The following SCP2 variants were observed in gnomAD, a reference collection of about 807,000 sequenced individuals.
The protein encoded by SCP2 is SCP-2/3-oxoacyl-CoA thiolase.
A neutral mutation model predicts 71.4 loss-of-function variants in SCP2; 48 were observed. The ratio of observed to expected loss-of-function variants is 0.67; its 90% CI spans 0.53 to 0.86. SCP2 has a LOEUF of 0.86. SCP2 is among the 40% of genes least tolerant of loss of function. SCP2 has a pLI of 0.00. For synonymous variants in SCP2, 220 were observed against 218.1 expected (o/e 1.01, Z -0.08); for missense variants, 560 against 655.6 (o/e 0.85, Z 1.59).
chr1:52,935,895 G>T (rs947586110), intron 1 of SCP2, among the ~76,000 whole-genome samples: 1 of 152,058 alleles, frequency 6.6e-6, no homozygotes, highest in Admixed American at 6.6e-5. Flanking sequence ...CTATGTTCAT[G>T]GCACTGTACT....
intron 15 of SCP2, chr1:53,049,514 G>T (rs1370815016): frequency 6.6e-6 from 1 of 152,182 alleles, no homozygotes; most frequent in Non-Finnish European, 1.5e-5. Context: ...TCATCTTTAT[G>T]TATGGACTCT....
chr1:53,043,895 G>A (rs568798487), intron 14 of SCP2, among the ~76,000 whole-genome samples: 2 of 152,062 alleles, frequency 1.3e-5, no homozygotes, highest in African/African-American at 4.8e-5. Context: ...ACCTTTTTTC[G>A]AGTATTAAGA....
chr1:52,993,452 A>G, intron 11 of SCP2: 1 of 1,614,098 alleles, frequency 6.2e-7, no homozygotes, highest in Non-Finnish European at 8.5e-7. Context: ...AATCATTGGG[A>G]ACTCATCACG....
At chr1:52,934,700 C>T (rs1279547735) in intron 1 of SCP2, among the ~76,000 whole-genome samples, 1 of 144,534 alleles carries the variant, frequency 6.9e-6, no homozygotes, top group African/African-American at 2.5e-5. Flanking sequence ...GCAAGCTCCA[C>T]CTCCTGGGTT....
At chr1:52,959,184 T>C (rs1288277272) in intron 5 of SCP2, among the ~76,000 whole-genome samples, 2 of 152,002 alleles carry the variant, frequency 1.3e-5, no homozygotes, top group Non-Finnish European at 2.9e-5. Context: ...CTTCTTTTCT[T>C]TTCTTTAAAA....
intron 13 of SCP2, among the ~76,000 whole-genome samples, chr1:53,030,071 T>C (rs1437083029): frequency 6.6e-6 from 1 of 152,092 alleles, no homozygotes; most frequent in African/African-American, 2.4e-5. Flanking sequence ...GTATTTTTAG[T>C]AGAGATGGGG....
At chr1:52,941,019 G>A (rs962779059) in intron 1 of SCP2, among the ~76,000 whole-genome samples, 1 of 152,200 alleles carries the variant, frequency 6.6e-6, no homozygotes, top group South Asian at 2.1e-4. Context: ...AAAGTGCTGG[G>A]ATTACAGGCG....
At chr1:53,021,806 A>G (rs1661765547) in intron 12 of SCP2, among the ~76,000 whole-genome samples, 1 of 151,474 alleles carries the variant, frequency 6.6e-6, no homozygotes, top group African/African-American at 2.4e-5. Context: ...CACCAGGCCC[A>G]GCTAATTTTT....
intron 11 of SCP2, among the ~76,000 whole-genome samples, chr1:53,011,835 G>A (rs896864959): frequency 6.6e-6 from 1 of 152,170 alleles, no homozygotes; most frequent in African/African-American, 2.4e-5. Flanking sequence ...TGAGTATGTT[G>A]AGTAGAAAGG....
At chr1:53,005,826 C>A (rs1660600037) in intron 11 of SCP2, among the ~76,000 whole-genome samples, 1 of 152,096 alleles carries the variant, frequency 6.6e-6, no homozygotes, top group Non-Finnish European at 1.5e-5. Context: ...TAACAAACTT[C>A]TCTGAGCTAA....
chr1:52,985,672 A>G (rs1040978146), intron 10 of SCP2, among the ~76,000 whole-genome samples: 1 of 151,370 alleles, frequency 6.6e-6, no homozygotes, highest in Non-Finnish European at 1.5e-5. Flanking sequence ...CTTACTCCCC[A>G]CTCCCATCTC....
At chr1:53,044,422 T>C (rs1391370309) in intron 14 of SCP2, among the ~76,000 whole-genome samples, 1 of 152,250 alleles carries the variant, frequency 6.6e-6, no homozygotes, top group Admixed American at 6.5e-5. Context: ...AATTTGATCA[T>C]CTTTTGAAAT....
chr1:52,981,035 G>C (rs1284124117), intron 10 of SCP2, among the ~76,000 whole-genome samples: 1 of 151,880 alleles, frequency 6.6e-6, no homozygotes, highest in African/African-American at 2.4e-5. Context: ...GGGTTCAAGT[G>C]ATTCTCCTGC....
chr1:52,959,813 ATGG>A (rs1557561103), intron 5 of SCP2, among the ~76,000 whole-genome samples: 2 of 150,464 alleles, frequency 1.3e-5, no homozygotes, highest in African/African-American at 4.9e-5. Flanking sequence ...CTCTTTTTCC[ATGG>A]TCATCTTTTG....
At chr1:53,015,113 T>C (rs1460389087) in intron 12 of SCP2, 70 bp downstream of exon 12, 1 of 1,433,936 alleles carries the variant, frequency 7.0e-7, no homozygotes, top group Non-Finnish European at 9.8e-7. Flanking sequence ...ATGTTTTACA[T>C]GTAAAAATTT....
At chr1:52,981,624 G>T (rs944691547) in intron 10 of SCP2, among the ~76,000 whole-genome samples, 22 of 151,434 alleles carry the variant, frequency 1.5e-4, no homozygotes, top group Non-Finnish European at 7.4e-5. Context: ...TAGAGACAGG[G>T]TTTCACCATG....
At chr1:52,972,352 A>G (rs1206855167) in intron 6 of SCP2, among the ~76,000 whole-genome samples, 1 of 152,256 alleles carries the variant, frequency 6.6e-6, no homozygotes, top group Non-Finnish European at 1.5e-5. Flanking sequence ...GGCCAGGCTT[A>G]ATAAATATGT....
At chr1:52,975,680 G>A (rs1277552933) in intron 7 of SCP2, among the ~76,000 whole-genome samples, 1 of 152,178 alleles carries the variant, frequency 6.6e-6, no homozygotes, top group Non-Finnish European at 1.5e-5. Flanking sequence ...TCAAAAGTTG[G>A]CTGAATTGCA....
chr1:52,929,683 C>T (rs552211598), intron 1 of SCP2, among the ~76,000 whole-genome samples: 10 of 152,188 alleles, frequency 6.6e-5, no homozygotes, highest in Non-Finnish European at 8.8e-5. Flanking sequence ...AATGCAGTGG[C>T]GCGATCTTGG....
Sources: allele counts gnomAD v4.1 joint callset (sites outside exome capture counted in the v4.1 genomes callset), GRCh38; gene constraint gnomAD v4.1.1; transcripts MANE v1.5; gene names NCBI Gene and HGNC (gene_info 2026-07-23, HGNC 2026-07-21).